DNMT3A: variants seen among roughly 807,000 people sequenced by gnomAD.
DNMT3A encodes DNA (cytosine-5)-methyltransferase 3A.
A neutral mutation model predicts 117.6 loss-of-function variants in DNMT3A; 267 were observed. The observed-to-expected ratio is 2.27, with a 90% confidence interval of 2.05 to 2.51. DNMT3A has a LOEUF of 2.51. DNMT3A is among the 30% of genes most tolerant of loss of function. The pLI, the probability that DNMT3A is intolerant of heterozygous loss-of-function variation, is 0.00. For synonymous variants in DNMT3A, 432 were observed against 474.8 expected (o/e 0.91, Z 1.17); for missense variants, 1,029 against 1,260.2 (o/e 0.82, Z 2.78).
chr2:25,295,264 G>A (rs1016125032), intron 3 of DNMT3A, among the ~76,000 whole-genome samples: 13 of 152,062 alleles, frequency 8.5e-5, no homozygotes, highest in African/African-American at 2.2e-4. Context: ...ACCAGCCCCC[G>A]CCTCCCTATC....
At chr2:25,302,332 T>C (rs2033564456) in intron 2 of DNMT3A, among the ~76,000 whole-genome samples, 3 of 152,152 alleles carry the variant, frequency 2.0e-5, no homozygotes, top group Admixed American at 2.0e-4. Context: ...GGGGTCAGAA[T>C]GGCTGACCTT....
In DNMT3A at chr2:25,286,892, CCT is replaced by C. The variant is rs981933522; in HGVS notation, c.178-4183_178-4182del. On this transcript the variant is annotated intron_variant, in intron 3 of 22. Transcript: ENST00000321117. The surrounding 1 kb of genome is among the most constrained non-coding windows in gnomAD (Gnocchi z 4.3). ...CAGCCACTCTCCTCCCCTCCTTTCC[CCT>C]GTCTCCACAGCTTGTTGACCTCTGG... Among the ~76,000 whole-genome samples, 49 of 152,354 alleles carry C rather than the reference CCT, an allele frequency of 3.2e-4. No individual in the cohort carries two copies. Among genetic ancestry groups the C allele is most frequent in the African/African-American group, 1.2e-3 (48 of 41,588 alleles).
chr2:25,245,258 A>G lies in DNMT3A; in HGVS notation c.1549T>C (p.Cys517Arg). Residue 517 changes from cysteine to arginine, a missense_variant, in exon 13 of 23, where the codon TGC becomes CGC. Cys to Arg is a radical substitution (Grantham distance 180). Coordinates refer to ENST00000321117, the MANE Select transcript of DNMT3A (RefSeq NM_022552.5). The stretch of plus-strand genomic sequence containing the variant: ...CTGGGTGGGTGTGCTCCTACCTTGC[A>G]GTTTTGGCACATTCCTCCAACGAAG... The part of the protein sequence containing the change: ...PLFVGGMCQN[C>R]KNCFLECAYQ... 6.2e-7 allele frequency: 1 copy of G among 1,613,868 alleles called. No homozygotes were observed. The highest frequency in any genetic ancestry group is 8.5e-7 in the Non-Finnish European group (1 of 1,179,962).
intron 6 of DNMT3A, among the ~76,000 whole-genome samples, chr2:25,271,038 C>A (rs573772057): frequency 1.3e-5 from 2 of 151,882 alleles, no homozygotes; most frequent in East Asian, 1.9e-4. Context: ...AAAACAAAAA[C>A]CAAAAAACAA....
chr2:25,243,838 C>A, intron 16 of DNMT3A, 60 bp downstream of exon 16: 1 of 1,533,680 alleles, frequency 6.5e-7, no homozygotes, highest in Non-Finnish European at 8.8e-7. Context: ...GTTGCCCACA[C>A]ACCTGGCTCC....
rs1207426635 is a variant in DNMT3A at position 25,306,842 on chromosome 2, A to C, written c.73-6599T>G. Among the ~76,000 whole-genome samples, 2 of 152,226 alleles carry C rather than the reference A, an allele frequency of 1.3e-5. No homozygotes were observed. Among genetic ancestry groups the C allele is most frequent in the Non-Finnish European group, 2.9e-5 (2 of 68,036 alleles). The stretch of plus-strand genomic sequence containing the variant: ...TTCAGAGGGAGACAACAACATGTAA[A>C]CAAGTACCTGATGCCATGCTGAGCC... On this transcript the variant is annotated intron_variant, in intron 2 of 22. Coordinates refer to ENST00000321117, the MANE Select transcript of DNMT3A (RefSeq NM_022552.5). This position sits in a 1 kb window ranked among gnomAD's most constrained non-coding sequence, Gnocchi z 4.1.
intron 19 of DNMT3A, 45 bp from the exon 20 acceptor site, chr2:25,239,260 G>T: frequency 6.4e-7 from 1 of 1,567,844 alleles, no homozygotes; most frequent in South Asian, 1.1e-5. Flanking sequence ...GGAGGAGCAT[G>T]AAACAGCGCC....
In DNMT3A at chr2:25,304,092, A is replaced by T. The variant is rs534594568; in HGVS notation, c.73-3849T>A. ...ACAGTAACACAGTTCGCGGGAACAG[A>T]TTTGAGCCCAGGTTGGTTTCCTCAT... On this transcript the variant is annotated intron_variant, in intron 2 of 22. Coordinates refer to ENST00000321117, the MANE Select transcript of DNMT3A (RefSeq NM_022552.5). This position sits in a 1 kb window ranked among gnomAD's most constrained non-coding sequence, Gnocchi z 4.3. Among the ~76,000 whole-genome samples, 1 of 152,186 alleles carries T rather than the reference A, an allele frequency of 6.6e-6. No individual in the cohort carries two copies. The highest frequency in any genetic ancestry group is 1.5e-5 in the Non-Finnish European group (1 of 68,000).
At position 25,236,799 on chromosome 2, in the gene DNMT3A, C is replaced by A. The variant is rs1410746944; in HGVS notation, c.2478+137G>T. 6.5e-6 allele frequency: 6 copies of A among 921,348 alleles called. No homozygotes were observed. The highest frequency in any genetic ancestry group is 9.7e-6 in the Non-Finnish European group (6 of 619,698). 57.1% of individuals were successfully genotyped at this position (921,348 alleles called of 1,614,324 possible). ...CTCCTCTGGCTGCCCTGCTGCATGA[C>A]CCTGCACCGTCTCCTAAATTGCATT... On this transcript the variant is annotated intron_variant, in intron 21 of 22. Transcript: ENST00000321117. The surrounding 1 kb of genome is among the most constrained non-coding windows in gnomAD (Gnocchi z 4.5).
chr2:25,332,439 C>T (rs1271921362), intron 1 of DNMT3A, among the ~76,000 whole-genome samples: 2 of 152,210 alleles, frequency 1.3e-5, no homozygotes, highest in African/African-American at 2.4e-5. Flanking sequence ...GGGGTCCTTC[C>T]GCCCTGCCAG....
At chr2:25,275,788 G>T (rs1476722383) in intron 4 of DNMT3A, among the ~76,000 whole-genome samples, 1 of 152,230 alleles carries the variant, frequency 6.6e-6, no homozygotes, top group Non-Finnish European at 1.5e-5. Context: ...GCCCAGGCAA[G>T]AGGGAACACG....
chr2:25,280,532 C>A (rs2031813804), intron 4 of DNMT3A, among the ~76,000 whole-genome samples: 1 of 152,236 alleles, frequency 6.6e-6, no homozygotes, highest in South Asian at 2.1e-4. Flanking sequence ...CGCCCTTCAG[C>A]TCGCGCTGGA....
At chr2:25,273,346 C>G (rs1165969395) in intron 6 of DNMT3A, among the ~76,000 whole-genome samples, 1 of 152,070 alleles carries the variant, frequency 6.6e-6, no homozygotes, top group Admixed American at 6.6e-5. Context: ...TCCTGACCTC[C>G]TTTCAGCTTC....
rs2031891354 is a variant in DNMT3A, at chr2:25,281,604, C to G, written c.448+837G>C. On this transcript the variant is annotated intron_variant, in intron 4 of 22. Coordinates refer to ENST00000321117, the MANE Select transcript of DNMT3A (RefSeq NM_022552.5). The surrounding 1 kb of genome is among the most constrained non-coding windows in gnomAD (Gnocchi z 4.8). ...TTTTTGAAATTAAAATGCACATATG[C>G]AAAACAACCTGGCAGGGCCCTGGGA... 20 of 1,064,204 alleles carry G rather than the reference C, an allele frequency of 1.9e-5. No homozygotes were observed. The highest frequency in any genetic ancestry group is 2.2e-5 in the Non-Finnish European group (19 of 878,634). The allele number at this position is 1,064,204 out of a possible 1,614,324, so 65.9% of individuals were successfully genotyped here. A position where few individuals can be genotyped will look rare whatever the true frequency, so the allele number is the denominator to read the frequency against.
At chr2:25,322,123 T>C (rs1394465722) in intron 1 of DNMT3A, among the ~76,000 whole-genome samples, 1 of 152,154 alleles carries the variant, frequency 6.6e-6, no homozygotes, top group Non-Finnish European at 1.5e-5. Flanking sequence ...GAGAAGAGGA[T>C]AAGGGTAGGA....
At position 25,245,343 on chromosome 2, in the gene DNMT3A, G is replaced by C; in HGVS notation, c.1475-11C>G. On this transcript the variant is annotated splice_polypyrimidine_tract_variant and intron_variant, in intron 12 of 22. Transcript: ENST00000321117. Reference sequence around the variant, plus strand: ...AGGAGATGCAGATGTCTGGAAAGCAGAGGGAGGGGATGGGGTGAGTACCAC... The same window carrying C: ...AGGAGATGCAGATGTCTGGAAAGCACAGGGAGGGGATGGGGTGAGTACCAC... 6.2e-7 allele frequency: 1 copy of C among 1,613,202 alleles called. No individual in the cohort carries two copies.
At chr2:25,241,078 C>T (rs1025201893) in intron 17 of DNMT3A, among the ~76,000 whole-genome samples, 1 of 152,180 alleles carries the variant, frequency 6.6e-6, no homozygotes, top group Non-Finnish European at 1.5e-5. Flanking sequence ...CCTCCAGTTG[C>T]CCTTCAGGAC....
chr2:25,288,416 C>T lies in DNMT3A; in HGVS notation c.178-5705G>A, dbSNP rs199553559. On this transcript the variant is annotated intron_variant, in intron 3 of 22. Transcript: ENST00000321117. ...CTTTTTTTTTTGAGACGGAGTCTCG[C>T]TCTGTTGTCCAGGCTGGAGTGCAGT... Among the ~76,000 whole-genome samples, 8 of 152,030 alleles carry T rather than the reference C, an allele frequency of 5.3e-5. No homozygotes were observed. The East Asian group carries it at 1.6e-3, about 30-fold the overall frequency.
chr2:25,257,795 C>G lies in DNMT3A; in HGVS notation c.640-9543G>C, dbSNP rs1676288449. Among the ~76,000 whole-genome samples, 1 of 152,202 alleles carries G rather than the reference C, an allele frequency of 6.6e-6. No individual in the cohort carries two copies. Among genetic ancestry groups the G allele is most frequent in the Non-Finnish European group, 1.5e-5 (1 of 68,034 alleles). Reference sequence around the variant, plus strand: ...CGGGCTTAAGGTGGGGCCCAGGAATCTATTAAAACCTCCCTGGGTAATTCT... The same window carrying G: ...CGGGCTTAAGGTGGGGCCCAGGAATGTATTAAAACCTCCCTGGGTAATTCT... On this transcript the variant is annotated intron_variant, in intron 6 of 22. Transcript: ENST00000321117. This position sits in a 1 kb window ranked among gnomAD's most constrained non-coding sequence, Gnocchi z 4.8.
Sources: allele counts gnomAD v4.1 joint callset (sites outside exome capture counted in the v4.1 genomes callset), GRCh38; gene constraint gnomAD v4.1.1; non-coding constraint Gnocchi (gnomAD v3.1); transcripts MANE v1.5; gene names NCBI Gene and HGNC (gene_info 2026-07-23, HGNC 2026-07-21).